The following TBCE variants were observed in gnomAD, a reference collection of about 807,000 sequenced individuals.
TBCE encodes the protein tubulin-specific chaperone E.
A neutral mutation model predicts 77.0 loss-of-function variants in TBCE; 53 were observed. That is an observed-to-expected ratio of 0.69 (90% CI 0.55 to 0.87). TBCE has a LOEUF of 0.87. Ranked by LOEUF, TBCE falls within the 40% of genes least tolerant of loss-of-function variation. The pLI is 0.00. For missense variants in TBCE, 624 were observed against 622.4 expected, an observed-to-expected ratio of 1.00 and a Z score of -0.03; for synonymous variants, 235 against 241.3, an observed-to-expected ratio of 0.97 and a Z score of 0.24.
intron 3 of TBCE, among the ~76,000 whole-genome samples, chr1:235,407,351 G>T (rs1218513791): frequency 1.3e-5 from 2 of 152,036 alleles, no homozygotes; most frequent in African/African-American, 4.8e-5. Flanking sequence ...CTCCCAAAGT[G>T]CTGGGATTAC....
At chr1:235,374,925 T>C (rs1486452858) in intron 1 of TBCE, among the ~76,000 whole-genome samples, 3 of 130,540 alleles carry the variant, frequency 2.3e-5, no homozygotes, top group Admixed American at 1.5e-4. Flanking sequence ...TTTTTCTTTT[T>C]TTTTTTTTTT....
intron 2 of TBCE, among the ~76,000 whole-genome samples, chr1:235,389,547 G>A (rs942134323): frequency 6.6e-6 from 1 of 151,976 alleles, no homozygotes; most frequent in Non-Finnish European, 1.5e-5. Flanking sequence ...TGGCCAGGCT[G>A]GTCTCAAACA....
rs545507709 is a variant in TBCE at position 235,405,465 on chromosome 1, G to A, written c.185+3878G>A. On this transcript the variant is annotated intron_variant, in intron 3 of 16. Transcript: ENST00000642610. ...ACCCTGGCCAACATGGTTAAACCCC[G>A]TCTCTACTAAAAACAGAAAAATTAG... is the stretch of plus-strand genomic sequence containing the variant. Among the ~76,000 whole-genome samples the A allele has an allele frequency of 3.3e-5, 5 of 151,508 alleles. No homozygotes were observed. In the East Asian group the frequency reaches 5.9e-4, roughly 18 times the overall value.
At chr1:235,390,211 T>C (rs1678296384) in intron 2 of TBCE, among the ~76,000 whole-genome samples, 1 of 152,172 alleles carries the variant, frequency 6.6e-6, no homozygotes, top group African/African-American at 2.4e-5. Context: ...TTTCCTGTGA[T>C]AGCATCATAC....
chr1:235,381,375 A>T (rs1192410163), intron 2 of TBCE, among the ~76,000 whole-genome samples: 1 of 152,056 alleles, frequency 6.6e-6, no homozygotes, highest in Non-Finnish European at 1.5e-5. Context: ...TTTACTAAAG[A>T]CAAGTCATGG....
chr1:235,428,648 T>TTTATTTAC (rs1269791231), intron 6 of TBCE, among the ~76,000 whole-genome samples: 1 of 151,180 alleles, frequency 6.6e-6, no homozygotes, highest in Non-Finnish European at 1.5e-5. Context: ...TATTTATTTA[T>TTTATTTAC]TTATTTATTT....
chr1:235,428,037 A>G (rs1045303130), intron 6 of TBCE, among the ~76,000 whole-genome samples: 3 of 148,824 alleles, frequency 2.0e-5, no homozygotes, highest in Admixed American at 6.7e-5. Flanking sequence ...CAAAAAAACA[A>G]ACAAGGGCCA....
At chr1:235,432,255 A>G (rs538625655) in intron 7 of TBCE, among the ~76,000 whole-genome samples, 60 of 152,326 alleles carry the variant, frequency 3.9e-4, no homozygotes, top group Admixed American at 7.8e-4. Context: ...AAATGCTGGG[A>G]TTACAGGCGT....
At chr1:235,379,805 T>G (rs141716977) in intron 1 of TBCE, among the ~76,000 whole-genome samples, 1 of 151,716 alleles carries the variant, frequency 6.6e-6, no homozygotes, top group South Asian at 2.1e-4. Context: ...AAAAATTGGC[T>G]GGGTGTGGTG....
chr1:235,392,096 A>C (rs564185393), intron 2 of TBCE, among the ~76,000 whole-genome samples: 72 of 152,192 alleles, frequency 4.7e-4, no homozygotes, highest in African/African-American at 1.5e-3. Context: ...CTGAAGAGGG[A>C]GGATTGCTTG....
Position 235,438,391 on chromosome 1 carries a change from CAAA to C in TBCE, c.1117-373_1117-371del, listed in dbSNP as rs796601388. 2.0e-5 allele frequency among the ~76,000 whole-genome samples: 3 copies of C among 151,928 alleles called. No individual in the cohort carries two copies. The South Asian group carries it at 6.2e-4, about 32-fold the overall frequency. ...CGAAACCCCGTCTCTACTAAAAATACAAAAAAATTAGCCAGGCATTGTGGCATG... is the reference window on the plus strand; with the variant it reads ...CGAAACCCCGTCTCTACTAAAAATACAAAATTAGCCAGGCATTGTGGCATG... On this transcript the variant is annotated intron_variant, in intron 12 of 16. Transcript: ENST00000642610.
intron 13 of TBCE, among the ~76,000 whole-genome samples, chr1:235,439,774 C>T (rs1013760969): frequency 7.2e-5 from 11 of 151,908 alleles, no homozygotes; most frequent in African/African-American, 2.4e-4. Context: ...AGGTGTGAGC[C>T]ACCGTGCGTA....
chr1:235,412,133 C>CCCA (rs1306510909), intron 3 of TBCE, among the ~76,000 whole-genome samples: 38 of 40,198 alleles, frequency 9.5e-4, no homozygotes, highest in African/African-American at 3.4e-3. Flanking sequence ...CCTTTCCCTT[C>CCCA]TCCTCCCCTT....
chr1:235,368,789 G>A (rs1676723237), intron 1 of TBCE, among the ~76,000 whole-genome samples: 1 of 150,984 alleles, frequency 6.6e-6, no homozygotes, highest in African/African-American at 2.4e-5. Flanking sequence ...TGGTTTTGAA[G>A]GCCTGACTTC....
At chr1:235,410,569 T>G (rs1467362730) in intron 3 of TBCE, among the ~76,000 whole-genome samples, 1 of 152,180 alleles carries the variant, frequency 6.6e-6, no homozygotes, top group Non-Finnish European at 1.5e-5. Context: ...ACCTGTATCT[T>G]GTACCGACCT....
rs868310504 is a variant in TBCE, at chr1:235,450,470, G to T, written c.*1708G>T. The T allele has an allele frequency of 1.7e-5, 20 of 1,179,048 alleles. No individual in the cohort carries two copies. The Middle Eastern group carries it at 6.8e-4, about 40-fold the overall frequency. 73.0% of individuals were successfully genotyped at this position (1,179,048 alleles called of 1,614,324 possible). A position where few individuals can be genotyped will look rare whatever the true frequency, so the allele number is the denominator to read the frequency against. Reference sequence around the variant, plus strand: ...TTATTTCAAGGATAACTCCGTGTGTGGAACAACTGGTGAGGTTTGGGGGTG... The same window carrying T: ...TTATTTCAAGGATAACTCCGTGTGTTGAACAACTGGTGAGGTTTGGGGGTG... On this transcript the variant is annotated 3_prime_UTR_variant, in exon 17 of 17. Transcript: ENST00000642610.
intron 12 of TBCE, among the ~76,000 whole-genome samples, chr1:235,437,824 T>A (rs866820419): frequency 1.2e-3 from 168 of 137,462 alleles, no homozygotes; most frequent in African/African-American, 2.9e-3. Context: ...TGTCTTAATT[T>A]AAAAAAAAAA....
chr1:235,448,404 T>G lies in TBCE; in HGVS notation c.1455T>G (p.Pro485=). Residue 485 remains proline, a synonymous_variant, in exon 16 of 17, where the codon CCT becomes CCG. Coordinates refer to ENST00000642610, the MANE Select transcript of TBCE (RefSeq NM_003193.5). The part of the protein sequence containing the change: ...KGLLSRLLKV[P]VSDLLLSYES... ...TGCTGTCACGTCTTCTCAAAGTTCC[T>G]GTGTCAGACCTTCTGTTGTCCTATG... 6.2e-7 allele frequency: 1 copy of G among 1,614,216 alleles called. No homozygotes were observed. Among genetic ancestry groups the G allele is most frequent in the Non-Finnish European group, 8.5e-7 (1 of 1,180,038 alleles).
chr1:235,372,922 TA>T (rs71174418), intron 1 of TBCE, among the ~76,000 whole-genome samples: 2,979 of 76,184 alleles, frequency 0.039, 32 homozygotes, highest in South Asian at 0.078. Flanking sequence ...AGACTCCGTC[TA>T]AAAAAAAAAA....
Sources: allele counts gnomAD v4.1 joint callset (sites outside exome capture counted in the v4.1 genomes callset), GRCh38; gene constraint gnomAD v4.1.1; transcripts MANE v1.5; gene names NCBI Gene and HGNC (gene_info 2026-07-23, HGNC 2026-07-21).